ZC3H11A: variants seen among roughly 807,000 people sequenced by gnomAD.
The protein encoded by ZC3H11A is zinc finger CCCH-type containing 11A, also known as zinc finger CCCH domain-containing protein 11A.
In ZC3H11A, 22 loss-of-function variants were observed where a neutral mutation model predicts 90.8. The observed-to-expected ratio is 0.24, with a 90% CI of 0.17 to 0.35. The LOEUF is 0.35. Among genes scored for constraint, ZC3H11A ranks in the 10% least tolerant of loss-of-function variants. The pLI, the probability that ZC3H11A is intolerant of heterozygous loss-of-function variation, is 1.00. For missense variants in ZC3H11A, 701 were observed against 964.9 expected, an observed-to-expected ratio of 0.73 and a Z score of 3.62; for synonymous variants, 294 against 339.8, an observed-to-expected ratio of 0.87 and a Z score of 1.48.
intron 4 of ZC3H11A, among the ~76,000 whole-genome samples, chr1:203,821,505 A>C (rs192669114): frequency 6.6e-6 from 1 of 152,034 alleles, no homozygotes; most frequent in Non-Finnish European, 1.5e-5. Context: ...TGATGTTTCC[A>C]TCATTCTTTG....
chr1:203,838,385 G>T (rs1231373201), intron 11 of ZC3H11A, among the ~76,000 whole-genome samples: 1 of 152,190 alleles, frequency 6.6e-6, no homozygotes, highest in African/African-American at 2.4e-5. Context: ...ATTACCATCT[G>T]TTAGGGGAAG....
intron 2 of ZC3H11A, among the ~76,000 whole-genome samples, chr1:203,813,178 G>A (rs1163338943): frequency 6.6e-6 from 1 of 151,658 alleles, no homozygotes. Flanking sequence ...TAATTTTAAT[G>A]AACTCCAATT....
chr1:203,853,122 T>C lies in ZC3H11A; in HGVS notation c.*723T>C, dbSNP rs867410547. On this transcript the variant is annotated 3_prime_UTR_variant, in exon 18 of 18. Transcript: ENST00000367210. Reference sequence around the variant, plus strand: ...TATTTCTGGGATTCCCTGGATTCATTATATGAGATGGTGACATGATTAGAG... The same window carrying C: ...TATTTCTGGGATTCCCTGGATTCATCATATGAGATGGTGACATGATTAGAG... The C allele has an allele frequency of 3.3e-5, 5 of 151,774 alleles. No individual in the cohort carries two copies. Among genetic ancestry groups the C allele is most frequent in the Admixed American group, 6.6e-5 (1 of 15,172 alleles). The allele number at this position is 151,774 out of a possible 1,614,324, so 9.4% of individuals were successfully genotyped here.
At chr1:203,798,401 C>T in intron 1 of ZC3H11A, 6 of 1,533,534 alleles carry the variant, frequency 3.9e-6, no homozygotes, top group Non-Finnish European at 4.4e-6. Context: ...GAAGTGTGAG[C>T]CGGGGTAGGC....
intron 1 of ZC3H11A, chr1:203,799,891 C>T (rs1669996594): frequency 1.3e-6 from 2 of 1,535,926 alleles, no homozygotes; most frequent in South Asian, 2.4e-5. Context: ...GATTTAGAAA[C>T]TTATAAGCAG....
At chr1:203,796,048 A>G (rs1033959737) in intron 1 of ZC3H11A, 1 of 7,798 alleles carries the variant, frequency 1.3e-4, no homozygotes, top group Non-Finnish European at 2.7e-4. Context: ...CGTTCACCCC[A>G]CCCCCACGGC....
intron 10 of ZC3H11A, chr1:203,835,555 C>T (rs1001072203): frequency 2.4e-5 from 4 of 167,570 alleles, no homozygotes; most frequent in African/African-American, 9.6e-5. Context: ...TAGCGCAAAT[C>T]CACTTTTACT....
chr1:203,829,923 TTA>T, intron 7 of ZC3H11A, 27 bp downstream of exon 7: 1 of 1,589,806 alleles, frequency 6.3e-7, no homozygotes, highest in Non-Finnish European at 8.6e-7. Context: ...TTGGTGCCTC[TTA>T]TAGCACTGTT....
chr1:203,813,932 G>C (rs1170309855), intron 2 of ZC3H11A, among the ~76,000 whole-genome samples: 1 of 150,452 alleles, frequency 6.6e-6, no homozygotes, highest in African/African-American at 2.4e-5. Context: ...ACAAACTGTT[G>C]CCCACCCATA....
chr1:203,820,793 C>T (rs868313309), intron 4 of ZC3H11A, among the ~76,000 whole-genome samples: 3 of 152,042 alleles, frequency 2.0e-5, no homozygotes, highest in Admixed American at 6.5e-5. Flanking sequence ...ATTTTTGTTG[C>T]ATATCATCCC....
chr1:203,798,918 G>A (rs1669604460), intron 1 of ZC3H11A: 3 of 1,535,912 alleles, frequency 2.0e-6, no homozygotes, highest in Non-Finnish European at 2.6e-6. Context: ...TTGTGTCAGA[G>A]AAAAAATTTT....
chr1:203,796,328 A>G (rs977979378), intron 1 of ZC3H11A: 21 of 398,234 alleles, frequency 5.3e-5, no homozygotes, highest in Non-Finnish European at 8.0e-5. Context: ...CAAACTCCAC[A>G]TACAGAAAGC....
chr1:203,842,235 AG>A (rs1686577600), intron 12 of ZC3H11A, among the ~76,000 whole-genome samples: 1 of 152,128 alleles, frequency 6.6e-6, no homozygotes, highest in South Asian at 2.1e-4. Context: ...GCACTTTGGG[AG>A]GCAAGGCAGG....
intron 4 of ZC3H11A, among the ~76,000 whole-genome samples, chr1:203,822,222 TATTTG>T (rs1679021951): frequency 1.3e-5 from 2 of 152,150 alleles, no homozygotes; most frequent in African/African-American, 4.8e-5. Context: ...TACTTTTATT[TATTTG>T]ATCAGTCTAC....
chr1:203,821,964 A>G (rs778303275), intron 4 of ZC3H11A, among the ~76,000 whole-genome samples: 6 of 152,040 alleles, frequency 3.9e-5, no homozygotes, highest in Non-Finnish European at 7.4e-5. Context: ...TCACCGTGTT[A>G]GCCAGGATGG....
At chr1:203,825,116 C>A (rs1216171293) in intron 4 of ZC3H11A, among the ~76,000 whole-genome samples, 2 of 149,576 alleles carry the variant, frequency 1.3e-5, no homozygotes, top group Non-Finnish European at 1.5e-5. Flanking sequence ...GTTAGATAAG[C>A]TTTGTTCAAG....
chr1:203,798,314 C>G (rs781143251), intron 1 of ZC3H11A: 1 of 1,536,098 alleles, frequency 6.5e-7, no homozygotes, highest in South Asian at 1.2e-5. Flanking sequence ...GAACTAGAGC[C>G]AAGACATCTG....
chr1:203,797,484 C>T, intron 1 of ZC3H11A: 2 of 1,454,752 alleles, frequency 1.4e-6, no homozygotes, highest in South Asian at 1.5e-5. Flanking sequence ...AATAAACCCA[C>T]TAACAGATTC....
chr1:203,799,599 A>G (rs982853464), intron 1 of ZC3H11A: 8 of 702,948 alleles, frequency 1.1e-5, no homozygotes, highest in Non-Finnish European at 2.1e-5. Flanking sequence ...TGATATTCTT[A>G]AGCCATTTGA....
Sources: gnomAD v4.1 joint callset for allele counts (sites outside exome capture counted in the v4.1 genomes callset) on GRCh38, gnomAD v4.1.1 for gene constraint, MANE v1.5 for transcripts, NCBI Gene and HGNC (gene_info 2026-07-23, HGNC 2026-07-21) for gene names.